The following GINS1 variants were observed in gnomAD, a reference collection of about 807,000 sequenced individuals.
The protein encoded by GINS1 is DNA replication complex GINS protein PSF1.
Under a neutral mutation model 34.9 loss-of-function variants are expected in GINS1, and 26 were observed. The observed-to-expected ratio is 0.74, with a 90% CI of 0.55 to 1.03. The LOEUF (loss-of-function observed/expected upper bound fraction) is 1.03. GINS1 is among the 50% of genes least tolerant of loss of function. The pLI is 0.00. For missense variants in GINS1, 235 were observed against 237.9 expected (o/e 0.99, Z 0.08); for synonymous variants, 97 against 84.4 (o/e 1.15, Z -0.82).
At chr20:25,409,851 G>A (rs778605316) in intron 1 of GINS1, among the ~76,000 whole-genome samples, 28 of 152,190 alleles carry the variant, frequency 1.8e-4, no homozygotes, top group Admixed American at 1.4e-3. Flanking sequence ...GCTAAAATGT[G>A]GCCTGAGAAC....
chr20:25,412,256 T>C (rs1474750000), intron 1 of GINS1, among the ~76,000 whole-genome samples: 1 of 152,108 alleles, frequency 6.6e-6, no homozygotes, highest in Non-Finnish European at 1.5e-5. Flanking sequence ...GTATTAACCT[T>C]TTAAGATCAC....
Position 25,430,029 on chromosome 20 carries a change from C to T in GINS1, c.447+4702C>T, listed in dbSNP as rs145762372. On this transcript the variant is annotated intron_variant, in intron 5 of 6. Coordinates refer to ENST00000262460, the MANE Select transcript of GINS1 (RefSeq NM_021067.5). ...CTAGGTTCAAGCGATTCTCCTGCCA[C>T]AGCCTCCTAAGTAGCTAGGACTACA... Among the ~76,000 whole-genome samples the T allele has an allele frequency of 9.8e-5, 15 of 152,324 alleles. No homozygotes were observed. The East Asian group carries it at 2.5e-3, about 25-fold the overall frequency.
At chr20:25,428,783 A>C (rs574956551) in intron 5 of GINS1, among the ~76,000 whole-genome samples, 2 of 152,054 alleles carry the variant, frequency 1.3e-5, no homozygotes, top group African/African-American at 4.8e-5. Context: ...TCATTTGACT[A>C]TGTAGGCAAG....
At chr20:25,430,809 C>T (rs561866642) in intron 5 of GINS1, among the ~76,000 whole-genome samples, 1 of 152,316 alleles carries the variant, frequency 6.6e-6, no homozygotes, top group South Asian at 2.1e-4. Flanking sequence ...GGATTACAGG[C>T]GTGAGCCACC....
In GINS1 at chr20:25,438,115, G is replaced by A. The variant is rs150558817; in HGVS notation, c.448-3587G>A. 8.7e-3 allele frequency among the ~76,000 whole-genome samples: 888 copies of A among 102,646 alleles called. 10 individuals carry two copies. Among genetic ancestry groups the A allele is most frequent in the African/African-American group, 0.033 (852 of 25,760 alleles). 67.3% of individuals were successfully genotyped at this position (102,646 alleles called of 152,430 possible). The stretch of plus-strand genomic sequence containing the variant: ...GCCTGGGCAACAAGAGCAAAACTCC[G>A]TCTCAAAAAAAAAAAAAAAAAAGTA... On this transcript the variant is annotated intron_variant, in intron 5 of 6. Coordinates refer to ENST00000262460, the MANE Select transcript of GINS1 (RefSeq NM_021067.5).
chr20:25,408,062 T>A (rs1420752938), intron 1 of GINS1, among the ~76,000 whole-genome samples, 167 bp downstream of exon 1: 4 of 152,268 alleles, frequency 2.6e-5, no homozygotes, highest in Non-Finnish European at 4.4e-5. Flanking sequence ...GCATTCATGC[T>A]TACGCTACCC....
chr20:25,415,680 C>A (rs1600920944), intron 2 of GINS1, among the ~76,000 whole-genome samples: 2 of 130,010 alleles, frequency 1.5e-5, no homozygotes, highest in Non-Finnish European at 1.6e-5. Context: ...AGCGAAACTC[C>A]ATCTCAAAAA....
chr20:25,421,590 AT>A (rs1346262219), intron 4 of GINS1, among the ~76,000 whole-genome samples: 3 of 152,102 alleles, frequency 2.0e-5, no homozygotes, highest in African/African-American at 4.8e-5. Flanking sequence ...TTGTTTTTTG[AT>A]TTCCTAAGTT....
intron 5 of GINS1, among the ~76,000 whole-genome samples, chr20:25,441,163 A>G (rs1435708889): frequency 6.6e-6 from 1 of 152,194 alleles, no homozygotes; most frequent in Non-Finnish European, 1.5e-5. Context: ...GCAGAGGTAG[A>G]TATCAGAATG....
chr20:25,409,441 C>G (rs2090269308), intron 1 of GINS1, among the ~76,000 whole-genome samples: 1 of 152,026 alleles, frequency 6.6e-6, no homozygotes, highest in African/African-American at 2.4e-5. Context: ...GCAAACATGA[C>G]TTGTAGCTAT....
At chr20:25,435,618 T>C (rs2090449694) in intron 5 of GINS1, among the ~76,000 whole-genome samples, 1 of 151,490 alleles carries the variant, frequency 6.6e-6, no homozygotes, top group African/African-American at 2.4e-5. Flanking sequence ...ATTAGCCGGG[T>C]GTGGTGGTGC....
At position 25,446,006 on chromosome 20, in the gene GINS1, A is replaced by C. The variant is rs569547781; in HGVS notation, c.*15A>C. On this transcript the variant is annotated 3_prime_UTR_variant, in exon 7 of 7. Transcript: ENST00000262460. ...TCCTGTCATGACCATGCGCCGAGGC[A>C]CTTCCAGGCTTCACTCAACTCATGG... The C allele has an allele frequency of 6.2e-5, 96 of 1,542,834 alleles. No individual in the cohort carries two copies. In the South Asian group the frequency reaches 1.0e-3, roughly 16 times the overall value.
At chr20:25,427,114 C>T (rs547692876) in intron 5 of GINS1, among the ~76,000 whole-genome samples, 6 of 152,198 alleles carry the variant, frequency 3.9e-5, no homozygotes, top group East Asian at 3.9e-4. Flanking sequence ...TCCAACATTA[C>T]GCAAGGGTTC....
chr20:25,441,082 C>T (rs1259836788), intron 5 of GINS1, among the ~76,000 whole-genome samples: 1 of 152,112 alleles, frequency 6.6e-6, no homozygotes, highest in Non-Finnish European at 1.5e-5. Context: ...AAAAGTGCCC[C>T]CTTACTTCCT....
chr20:25,426,602 C>T (rs186815921), intron 5 of GINS1, among the ~76,000 whole-genome samples: 1,541 of 151,684 alleles, frequency 0.01, 12 homozygotes, highest in Non-Finnish European at 0.015. Context: ...CTTGGCTCAC[C>T]GCAACCTCCG....
intron 1 of GINS1, 57 bp from the exon 2 acceptor site, chr20:25,413,733 T>C: frequency 1.0e-6 from 1 of 965,150 alleles, no homozygotes; most frequent in South Asian, 1.3e-5. Flanking sequence ...TGATAGCATA[T>C]TGCCACAGAA....
At chr20:25,424,474 T>C (rs1003765979) in intron 4 of GINS1, among the ~76,000 whole-genome samples, 1 of 152,224 alleles carries the variant, frequency 6.6e-6, no homozygotes, top group African/African-American at 2.4e-5. Flanking sequence ...TACTGAGATA[T>C]GATTCATACA....
rs1426190911 is a variant in GINS1 at position 25,442,338 on chromosome 20, A to ATCTATCTG, written c.522+565_522+566insATCTGTCT. On this transcript the variant is annotated intron_variant, in intron 6 of 6. Transcript: ENST00000262460. ...GGAATCTTTATCCATCTATCTATCT[A>ATCTATCTG]TCTGTCTGTCTGTCTGTCTGTCTGT... 7.7e-3 allele frequency among the ~76,000 whole-genome samples: 1,146 copies of ATCTATCTG among 149,406 alleles called. 3 individuals are homozygous for ATCTATCTG. The highest frequency in any genetic ancestry group is 0.013 in the Non-Finnish European group (851 of 67,186).
intron 5 of GINS1, among the ~76,000 whole-genome samples, chr20:25,435,877 A>G (rs1195454379): frequency 6.8e-6 from 1 of 146,366 alleles, no homozygotes; most frequent in Non-Finnish European, 1.5e-5. Flanking sequence ...CAGTGGCGCA[A>G]TCTCAGCTCA....
Sources: gnomAD v4.1 joint callset for allele counts (sites outside exome capture counted in the v4.1 genomes callset) on GRCh38, gnomAD v4.1.1 for gene constraint, MANE v1.5 for transcripts, NCBI Gene and HGNC (gene_info 2026-07-23, HGNC 2026-07-21) for gene names.